Variants in CADM2 observed in about 807,000 individuals in gnomAD.
The protein encoded by CADM2 is immunoglobulin superfamily member 4D.
In CADM2, 12 loss-of-function variants were observed where a neutral mutation model predicts 49.8. That is an observed-to-expected ratio of 0.24 (90% confidence interval 0.15 to 0.39). CADM2 has a LOEUF of 0.39. Among genes scored for constraint, CADM2 ranks in the 10% least tolerant of loss-of-function variants. The pLI is 1.00. For synonymous variants in CADM2, 214 were observed against 175.4 expected (o/e 1.22, Z -1.74); for missense variants, 378 against 492.3 (o/e 0.77, Z 2.20).
At chr3:85,328,546 C>G (rs1038287195) in intron 1 of CADM2, among the ~76,000 whole-genome samples, 16 of 152,134 alleles carry the variant, frequency 1.1e-4, no homozygotes, top group Admixed American at 6.6e-5. Context: ...CTGGATAAAG[C>G]AGGATGGCCA....
chr3:85,394,398 A>G, intron 1 of CADM2, among the ~76,000 whole-genome samples: 1 of 152,194 alleles, frequency 6.6e-6, no homozygotes, highest in Admixed American at 6.5e-5. Context: ...ATTATATTTC[A>G]CAGGTAATAT....
At chr3:85,574,162 A>G (rs1350904743) in intron 1 of CADM2, among the ~76,000 whole-genome samples, 1 of 152,206 alleles carries the variant, frequency 6.6e-6, no homozygotes, top group Admixed American at 6.6e-5. Context: ...AGTCTGGGCA[A>G]GTTTTTAGGC....
intron 1 of CADM2, among the ~76,000 whole-genome samples, chr3:85,109,993 A>G (rs1363208059): frequency 6.6e-6 from 1 of 151,946 alleles, no homozygotes; most frequent in Non-Finnish European, 1.5e-5. Context: ...TTACCTAAAC[A>G]TTGCAGTAAA....
At chr3:85,991,151 T>C (rs986953981) in intron 8 of CADM2, among the ~76,000 whole-genome samples, 3 of 152,168 alleles carry the variant, frequency 2.0e-5, no homozygotes, top group African/African-American at 4.8e-5. Context: ...CTTGTTAAAA[T>C]AACTCTTATC....
chr3:85,107,300 AG>A (rs1256693829), intron 1 of CADM2, among the ~76,000 whole-genome samples: 1 of 152,244 alleles, frequency 6.6e-6, no homozygotes, highest in African/African-American at 2.4e-5. Flanking sequence ...AATAAAAAGA[AG>A]AATGAGTAAA....
At chr3:85,369,895 G>C (rs2033073747) in intron 1 of CADM2, among the ~76,000 whole-genome samples, 1 of 151,798 alleles carries the variant, frequency 6.6e-6, no homozygotes, top group African/African-American at 2.4e-5. Context: ...AGATATTTAA[G>C]AAAAATTTGA....
At chr3:85,880,332 A>G (rs149988086) in intron 3 of CADM2, among the ~76,000 whole-genome samples, 2 of 152,112 alleles carry the variant, frequency 1.3e-5, no homozygotes, top group East Asian at 1.9e-4. Flanking sequence ...TTTTGTTTTA[A>G]TAATCTTATA....
intron 1 of CADM2, among the ~76,000 whole-genome samples, chr3:85,656,577 T>C (rs113794164): frequency 0.042 from 6,376 of 151,952 alleles, 432 homozygotes; most frequent in African/African-American, 0.14. Context: ...GATTGCACCA[T>C]TGCACTCCAG....
chr3:85,677,888 A>G (rs971317711), intron 1 of CADM2, among the ~76,000 whole-genome samples: 1 of 152,004 alleles, frequency 6.6e-6, no homozygotes, highest in Admixed American at 6.6e-5. Flanking sequence ...CTGTTCTTAC[A>G]GCTCTGCTAC....
chr3:85,147,782 C>T (rs2039799012), intron 1 of CADM2, among the ~76,000 whole-genome samples: 1 of 152,110 alleles, frequency 6.6e-6, no homozygotes, highest in African/African-American at 2.4e-5. Context: ...TATTTCCATT[C>T]ATCTACTTAG....
chr3:85,160,419 C>T (rs1048613440), intron 1 of CADM2, among the ~76,000 whole-genome samples: 16 of 152,092 alleles, frequency 1.1e-4, no homozygotes, highest in African/African-American at 3.9e-4. Flanking sequence ...TTAACTTTTC[C>T]CACTGGTTTA....
At chr3:85,166,258 A>T (rs1445596331) in intron 1 of CADM2, among the ~76,000 whole-genome samples, 2 of 151,894 alleles carry the variant, frequency 1.3e-5, no homozygotes, top group Non-Finnish European at 3.0e-5. Context: ...CTCATGTGCT[A>T]TAATATTTTT....
chr3:85,839,157 A>G (rs947692189), intron 3 of CADM2, among the ~76,000 whole-genome samples: 1 of 151,790 alleles, frequency 6.6e-6, no homozygotes, highest in Non-Finnish European at 1.5e-5. Context: ...CCTAATTAAC[A>G]TTGCTGTTCA....
chr3:85,397,733 G>T (rs1042606091), intron 1 of CADM2, among the ~76,000 whole-genome samples: 1 of 152,012 alleles, frequency 6.6e-6, no homozygotes, highest in Non-Finnish European at 1.5e-5. Context: ...GAGGGGGAGG[G>T]GTATTGATTA....
intron 1 of CADM2, among the ~76,000 whole-genome samples, chr3:85,713,337 C>T (rs1246638902): frequency 6.6e-6 from 1 of 152,026 alleles, no homozygotes; most frequent in Non-Finnish European, 1.5e-5. Context: ...TTAGTACAGA[C>T]GGGGTTTCGT....
chr3:85,449,240 A>G (rs1457988792), intron 1 of CADM2, among the ~76,000 whole-genome samples: 2 of 151,796 alleles, frequency 1.3e-5, no homozygotes, highest in East Asian at 3.9e-4. Context: ...CTTTTATTTA[A>G]AGCATTATAG....
intron 1 of CADM2, among the ~76,000 whole-genome samples, chr3:84,990,285 A>G (rs1393011294): frequency 6.6e-6 from 1 of 151,568 alleles, no homozygotes; most frequent in African/African-American, 2.4e-5. Flanking sequence ...CAAAACATTA[A>G]CTGGAATGAT....
chr3:84,976,838 C>T (rs1029402711), intron 1 of CADM2, among the ~76,000 whole-genome samples: 2 of 151,808 alleles, frequency 1.3e-5, no homozygotes, highest in African/African-American at 2.4e-5. Context: ...ATCATCTTAT[C>T]TTTTCAAATG....
At chr3:84,997,862 C>A (rs1195169573) in intron 1 of CADM2, among the ~76,000 whole-genome samples, 2 of 152,016 alleles carry the variant, frequency 1.3e-5, no homozygotes, top group Non-Finnish European at 2.9e-5. Context: ...GTGGCACTAT[C>A]AATATAAGAA....
Sources: allele counts gnomAD v4.1 joint callset (sites outside exome capture counted in the v4.1 genomes callset), GRCh38; gene constraint gnomAD v4.1.1; transcripts MANE v1.5; gene names NCBI Gene and HGNC (gene_info 2026-07-23, HGNC 2026-07-21).